BCAR3: variants seen among roughly 807,000 people sequenced by gnomAD.
BCAR3 encodes BCAR3 adaptor protein, NSP family member, also known as breast cancer anti-estrogen resistance protein 3.
In BCAR3, 37 loss-of-function variants were observed where a neutral mutation model predicts 80.1. That is an observed-to-expected ratio of 0.46 (90% CI 0.36 to 0.61). The LOEUF (loss-of-function observed/expected upper bound fraction) is 0.61, where lower values mean the gene tolerates loss of function less well. Ranked by LOEUF, BCAR3 falls within the 20% of genes least tolerant of loss-of-function variation. The pLI, the probability that BCAR3 is intolerant of heterozygous loss-of-function variation, is 0.00. For missense variants in BCAR3, 978 were observed against 1,068.2 expected, an observed-to-expected ratio of 0.92 and a Z score of 1.18; for synonymous variants, 389 against 418.9, an observed-to-expected ratio of 0.93 and a Z score of 0.87.
At chr1:93,844,358 C>T (rs984264152) in intron 2 of BCAR3, among the ~76,000 whole-genome samples, 16 of 152,164 alleles carry the variant, frequency 1.1e-4, no homozygotes, top group Non-Finnish European at 2.9e-5. Context: ...TAATTTAGGG[C>T]TTTGCTGTCC....
At chr1:93,634,934 A>C (rs941668831) in intron 3 of BCAR3, among the ~76,000 whole-genome samples, 1 of 152,078 alleles carries the variant, frequency 6.6e-6, no homozygotes, top group Non-Finnish European at 1.5e-5. Context: ...TTCTGCGTAT[A>C]TCAACAGTCC....
At chr1:93,574,963 G>A (rs904404424) in intron 8 of BCAR3, among the ~76,000 whole-genome samples, 3 of 152,152 alleles carry the variant, frequency 2.0e-5, no homozygotes, top group Non-Finnish European at 4.4e-5. Context: ...CCACGGCTGC[G>A]AGGCCAAAAC....
intron 3 of BCAR3, among the ~76,000 whole-genome samples, chr1:93,612,395 C>T (rs1674979082): frequency 6.6e-6 from 1 of 152,138 alleles, no homozygotes; most frequent in Non-Finnish European, 1.5e-5. Flanking sequence ...CTGGACCCGA[C>T]TACCCCATAT....
intron 7 of BCAR3, among the ~76,000 whole-genome samples, chr1:93,578,543 G>A (rs1557841135): frequency 6.6e-6 from 1 of 152,150 alleles, no homozygotes; most frequent in Admixed American, 6.5e-5. Flanking sequence ...TCTGCAAGAT[G>A]CTTTTGGTGT....
chr1:93,655,761 T>C (rs911241821), intron 2 of BCAR3, among the ~76,000 whole-genome samples: 4 of 152,206 alleles, frequency 2.6e-5, no homozygotes, highest in Non-Finnish European at 5.9e-5. Context: ...TCAGCTCTTT[T>C]AGGAGAGTCT....
chr1:93,600,321 A>G (rs1295025406), intron 3 of BCAR3, among the ~76,000 whole-genome samples: 1 of 152,150 alleles, frequency 6.6e-6, no homozygotes, highest in East Asian at 1.9e-4. Flanking sequence ...TTGGCTCTGA[A>G]TTTGCTAGGA....
intron 11 of BCAR3, among the ~76,000 whole-genome samples, chr1:93,563,069 T>C (rs1037361298): frequency 1.3e-5 from 2 of 152,192 alleles, no homozygotes; most frequent in African/African-American, 4.8e-5. Flanking sequence ...TTACCAACTT[T>C]ACTGATGTAT....
chr1:93,821,069 A>C (rs1393626547), intron 2 of BCAR3, among the ~76,000 whole-genome samples: 3 of 152,180 alleles, frequency 2.0e-5, no homozygotes, highest in Non-Finnish European at 4.4e-5. Context: ...GCTCTGTGCT[A>C]GGAACTGGGG....
chr1:93,728,271 C>T lies in BCAR3; in HGVS notation c.-62-22129G>A, dbSNP rs77638651. Among the ~76,000 whole-genome samples the T allele has an allele frequency of 1.2e-3, 182 of 152,336 alleles. 3 individuals are homozygous for T. The East Asian group carries it at 0.024, about 20-fold the overall frequency. Reference sequence around the variant, plus strand: ...GGAGTGGCTCACTTCCTTAGTACCCCGCTGCTCAAACCTCTAGGGGAGCAC... The same window carrying T: ...GGAGTGGCTCACTTCCTTAGTACCCTGCTGCTCAAACCTCTAGGGGAGCAC... On this transcript the variant is annotated intron_variant, in intron 2 of 13. Transcript: ENST00000370244.
intron 11 of BCAR3, among the ~76,000 whole-genome samples, chr1:93,564,290 C>CTTT (rs35780346): frequency 1.4e-4 from 14 of 103,672 alleles, no homozygotes; most frequent in African/African-American, 3.2e-4. Context: ...TTCTTTCTTT[C>CTTT]TTTTTTTTTT....
chr1:93,568,196 AAAT>A (rs1185932248), intron 9 of BCAR3: 20 of 158,274 alleles, frequency 1.3e-4, no homozygotes, highest in South Asian at 3.7e-4. Context: ...AAAAAAAAAA[AAAT>A]AAATAAAATA....
chr1:93,848,013 C>T, upstream of BCAR3: 1 of 173,908 alleles, frequency 5.8e-6, no homozygotes, highest in Non-Finnish European at 1.2e-5. Context: ...ACCCCCACGC[C>T]TTGAGCGGGA....
chr1:93,675,383 T>C, intron 1 of BCAR3, among the ~76,000 whole-genome samples: 1 of 152,262 alleles, frequency 6.6e-6, no homozygotes, highest in Non-Finnish European at 1.5e-5. Context: ...GCTAGAATTG[T>C]CTTCAGTGCC....
chr1:93,658,702 CA>C, intron 2 of BCAR3, among the ~76,000 whole-genome samples: 1 of 152,132 alleles, frequency 6.6e-6, no homozygotes, highest in Non-Finnish European at 1.5e-5. Flanking sequence ...AAGCGCTATG[CA>C]AAAACCTTAG....
At chr1:93,662,004 C>G (rs527292080) in intron 2 of BCAR3, among the ~76,000 whole-genome samples, 1 of 152,146 alleles carries the variant, frequency 6.6e-6, no homozygotes, top group African/African-American at 2.4e-5. Context: ...ACACGTGATG[C>G]GAGAAATTCC....
chr1:93,699,583 C>T lies in BCAR3; in HGVS notation c.-12+6509G>A, dbSNP rs1055395171. ...CAGTGATTCTCTCCTCCTCCCGGCCCCATGTCTTGTTTTTAAACTCCAGCA... is the reference window on the plus strand; with the variant it reads ...CAGTGATTCTCTCCTCCTCCCGGCCTCATGTCTTGTTTTTAAACTCCAGCA... On this transcript the variant is annotated intron_variant, in intron 3 of 13. Transcript: ENST00000370244. 2.0e-5 allele frequency among the ~76,000 whole-genome samples: 3 copies of T among 152,034 alleles called. No homozygotes were observed. In the East Asian group the frequency reaches 5.8e-4, roughly 29 times the overall value.
At chr1:93,777,366 T>C (rs1652593074) in intron 2 of BCAR3, among the ~76,000 whole-genome samples, 1 of 145,330 alleles carries the variant, frequency 6.9e-6, no homozygotes, top group Non-Finnish European at 1.5e-5. Context: ...CCTCCTCTTC[T>C]TCTTCTTCCT....
At chr1:93,588,544 A>G (rs1674037581) in intron 5 of BCAR3, among the ~76,000 whole-genome samples, 1 of 151,932 alleles carries the variant, frequency 6.6e-6, no homozygotes, top group Non-Finnish European at 1.5e-5. Flanking sequence ...CTATCTCCCT[A>G]AGCCCACTGC....
chr1:93,607,976 A>G (rs1674828891), intron 3 of BCAR3, among the ~76,000 whole-genome samples: 2 of 152,174 alleles, frequency 1.3e-5, no homozygotes, highest in South Asian at 4.1e-4. Flanking sequence ...TGCTAGGGGT[A>G]GGCTGGGGAA....
Sources: gnomAD v4.1 joint callset for allele counts (sites outside exome capture counted in the v4.1 genomes callset) on GRCh38, gnomAD v4.1.1 for gene constraint, MANE v1.5 for transcripts, NCBI Gene and HGNC (gene_info 2026-07-23, HGNC 2026-07-21) for gene names.